TRIM36: variants seen among roughly 807,000 people sequenced by gnomAD.
TRIM36 encodes tripartite motif containing 36.
TRIM36 carries 42 observed loss-of-function variants against 72.4 expected under a neutral mutation model. That is an observed-to-expected ratio of 0.58 (90% CI 0.45 to 0.75). The LOEUF (loss-of-function observed/expected upper bound fraction) is 0.75, where lower values mean the gene tolerates loss of function less well. TRIM36 is among the 30% of genes least tolerant of loss of function. TRIM36 has a pLI of 0.00. For synonymous variants in TRIM36, 315 were observed against 282.8 expected (o/e 1.11, Z -1.14); for missense variants, 913 against 857.1 (o/e 1.07, Z -0.81).
At chr5:115,173,280 C>T (rs1325230455), upstream of TRIM36, among the ~76,000 whole-genome samples, 3 of 152,146 alleles carry the variant, frequency 2.0e-5, no homozygotes, top group Admixed American at 6.5e-5. Context: ...TAGTTTGTTA[C>T]CAGATTCTGT....
chr5:115,169,846 C>T lies in TRIM36; in HGVS notation c.-212G>A, dbSNP rs1280292812. On this transcript the variant is annotated 5_prime_UTR_variant, in exon 1 of 10. Transcript: ENST00000513154. The stretch of plus-strand genomic sequence containing the variant: ...AGGCGCGGGAGAAGCGAGCTTTGCT[C>T]CCAGCGACTACCCCGGGAATCCCGC... 11 of 1,312,512 alleles carry T rather than the reference C, an allele frequency of 8.4e-6. No homozygotes were observed. The highest frequency in any genetic ancestry group is 9.7e-6 in the Non-Finnish European group (10 of 1,029,174). 81.3% of individuals were successfully genotyped at this position (1,312,512 alleles called of 1,614,324 possible).
At chr5:115,172,317 G>A (rs1755151424), upstream of TRIM36, among the ~76,000 whole-genome samples, 3 of 152,072 alleles carry the variant, frequency 2.0e-5, no homozygotes, top group South Asian at 2.1e-4. Flanking sequence ...ATACTTGCAT[G>A]TGTGCACAAA....
rs1422827112 is a variant in TRIM36 at position 115,169,797 on chromosome 5, G to GT, written c.-164dup. 7.5e-7 allele frequency: 1 copy of GT among 1,324,656 alleles called. No individual in the cohort carries two copies. The highest frequency in any genetic ancestry group is 9.7e-7 in the Non-Finnish European group (1 of 1,030,394). The allele number at this position is 1,324,656 out of a possible 1,614,324, so 82.1% of individuals were successfully genotyped here. A position where few individuals can be genotyped will look rare whatever the true frequency, so the allele number is the denominator to read the frequency against. The stretch of plus-strand genomic sequence containing the variant: ...GGCCAGCGGACCGACGCGGGGAGAA[G>GT]TAAGCCGGGGCAGGCAAAAGCACAG... On this transcript the variant is annotated 5_prime_UTR_variant, in exon 1 of 10. Transcript: ENST00000513154.
rs1752838336 is a variant in TRIM36, at chr5:115,134,147, C to T, written c.1211G>A (p.Gly404Asp). 1 of 1,549,936 alleles carries T rather than the reference C, an allele frequency of 6.5e-7. No homozygotes were observed. The highest frequency in any genetic ancestry group is 8.7e-7 in the Non-Finnish European group (1 of 1,151,788). The change falls in exon 8 of 10, where the codon GGC becomes GAC. Residue 404 changes from glycine to aspartate, a missense_variant and splice_region_variant. Gly to Asp is a moderately conservative substitution (Grantham distance 94). Transcript: ENST00000513154. ...CTCATTGATCTCTGGCACGTCTATG[C>T]CTGAAAGAATTATGAAATAGAAAAC... ...LLGELSFFSS[G>D]IDVPEINEEQ... is the part of the protein sequence containing the mutation.
intron 2 of TRIM36, among the ~76,000 whole-genome samples, chr5:115,155,083 GGAGGCT>G (rs1754100816): frequency 6.6e-6 from 1 of 152,176 alleles, no homozygotes; most frequent in South Asian, 2.1e-4. Flanking sequence ...CAGCTACTCG[GGAGGCT>G]GAGGCAGAAG....
At chr5:115,136,208 G>A (rs1752956525) in intron 7 of TRIM36, among the ~76,000 whole-genome samples, 1 of 151,452 alleles carries the variant, frequency 6.6e-6, no homozygotes, top group Admixed American at 6.6e-5. Context: ...GGTCTTTAAA[G>A]AGGAAATTAA....
chr5:115,130,982 G>A, intron 8 of TRIM36, 93 bp from the exon 9 acceptor site: 2 of 1,402,386 alleles, frequency 1.4e-6, no homozygotes, highest in Admixed American at 2.4e-5. Flanking sequence ...TTACTGAAGA[G>A]AGACAGGAAG....
chr5:115,168,633 T>C (rs1754915617), intron 1 of TRIM36, among the ~76,000 whole-genome samples: 1 of 152,240 alleles, frequency 6.6e-6, no homozygotes, highest in South Asian at 2.1e-4. Flanking sequence ...TGCAGTCTCT[T>C]GCTGCATCAC....
intron 3 of TRIM36, among the ~76,000 whole-genome samples, chr5:115,145,706 T>C (rs144119683): frequency 3.9e-5 from 6 of 152,276 alleles, no homozygotes; most frequent in African/African-American, 7.2e-5. Context: ...TTGTAACTTA[T>C]AGACATTTAA....
intron 2 of TRIM36, among the ~76,000 whole-genome samples, chr5:115,147,828 G>A (rs1361625791): frequency 1.3e-5 from 2 of 152,092 alleles, no homozygotes; most frequent in African/African-American, 2.4e-5. Flanking sequence ...AAAGAGCAGG[G>A]GTCCCTAGCA....
intron 4 of TRIM36, 34 bp downstream of exon 4, chr5:115,144,564 A>G (rs1337705219): frequency 6.2e-7 from 1 of 1,611,946 alleles, no homozygotes; most frequent in African/African-American, 1.3e-5. Context: ...AAAGTTACGA[A>G]GAATCAAAAT....
Position 115,169,667 on chromosome 5 carries a change from G to C in TRIM36, c.-33C>G, listed in dbSNP as rs1174455697. ...TTCTGCCAGGTGTCATCAGCGGCAC[G>C]TTCCACTCACACCGGCTACCGAGCG... On this transcript the variant is annotated 5_prime_UTR_variant, in exon 1 of 10. Transcript: ENST00000513154. The C allele has an allele frequency of 4.6e-6, 7 of 1,517,528 alleles. No homozygotes were observed. The highest frequency in any genetic ancestry group is 6.2e-6 in the Non-Finnish European group (7 of 1,137,604). 94.0% of individuals were successfully genotyped at this position (1,517,528 alleles called of 1,614,324 possible).
At chr5:115,170,374 AGCCCC>A (rs1269772248), upstream of TRIM36, among the ~76,000 whole-genome samples, 1 of 152,160 alleles carries the variant, frequency 6.6e-6, no homozygotes, top group African/African-American at 2.4e-5. Flanking sequence ...CGCGGTTCGA[AGCCCC>A]GCTTCCAGGC....
intron 2 of TRIM36, among the ~76,000 whole-genome samples, chr5:115,161,142 T>C (rs1754462105): frequency 1.3e-5 from 2 of 152,068 alleles, no homozygotes; most frequent in Admixed American, 6.6e-5. Context: ...GACTATGCTC[T>C]AGTAATTACA....
chr5:115,145,571 G>A (rs1367730898), intron 3 of TRIM36, among the ~76,000 whole-genome samples: 1 of 151,986 alleles, frequency 6.6e-6, no homozygotes, highest in Non-Finnish European at 1.5e-5. Flanking sequence ...CTGTCGCCCA[G>A]GCTAGAGTGC....
intron 3 of TRIM36, among the ~76,000 whole-genome samples, chr5:115,145,996 A>G (rs765732855): frequency 2.0e-5 from 3 of 152,192 alleles, no homozygotes; most frequent in Non-Finnish European, 4.4e-5. Flanking sequence ...TGAAAAATGA[A>G]ATGTTTCTCA....
At chr5:115,131,237 A>G (rs1043710352) in intron 8 of TRIM36, among the ~76,000 whole-genome samples, 2 of 152,330 alleles carry the variant, frequency 1.3e-5, no homozygotes, top group Non-Finnish European at 2.9e-5. Context: ...AAAAAATAAT[A>G]AAGAGTTGTA....
upstream of TRIM36, among the ~76,000 whole-genome samples, chr5:115,172,065 G>T (rs1201827600): frequency 6.6e-6 from 1 of 152,036 alleles, no homozygotes; most frequent in Non-Finnish European, 1.5e-5. Context: ...AAAAATTTTT[G>T]AATATTTTTG....
intron 1 of TRIM36, among the ~76,000 whole-genome samples, chr5:115,168,022 A>T (rs1159766770): frequency 5.3e-5 from 8 of 152,138 alleles, no homozygotes; most frequent in African/African-American, 1.9e-4. Context: ...TGCCTTATAA[A>T]ACCATCAGAT....
Sources: gnomAD v4.1 joint callset for allele counts (sites outside exome capture counted in the v4.1 genomes callset) on GRCh38, gnomAD v4.1.1 for gene constraint, MANE v1.5 for transcripts, NCBI Gene and HGNC (gene_info 2026-07-23, HGNC 2026-07-21) for gene names.